MPPED2: variants seen among roughly 807,000 people sequenced by gnomAD.
MPPED2 encodes metallophosphoesterase MPPED2.
In MPPED2, 5 loss-of-function variants were observed where a neutral mutation model predicts 33.0. The ratio of observed to expected loss-of-function variants is 0.15; its 90% CI spans 0.08 to 0.32. MPPED2 has a LOEUF of 0.32. MPPED2 is among the 10% of genes least tolerant of loss of function. MPPED2 has a pLI of 1.00. For synonymous variants in MPPED2, 136 were observed against 141.9 expected (o/e 0.96, Z 0.29); for missense variants, 275 against 372.1 (o/e 0.74, Z 2.15).
intron 2 of MPPED2, among the ~76,000 whole-genome samples, chr11:30,577,639 A>G (rs1192113855): frequency 6.6e-6 from 1 of 152,222 alleles, no homozygotes; most frequent in African/African-American, 2.4e-5. Flanking sequence ...GAAATATGAC[A>G]TGATTAAATC....
At chr11:30,421,232 G>T (rs934337613) in intron 4 of MPPED2, among the ~76,000 whole-genome samples, 3 of 152,110 alleles carry the variant, frequency 2.0e-5, no homozygotes, top group Non-Finnish European at 2.9e-5. Flanking sequence ...TTCCCTTGCA[G>T]AATTTTCTCT....
chr11:30,520,415 T>G (rs993629555), intron 3 of MPPED2, among the ~76,000 whole-genome samples: 3 of 152,196 alleles, frequency 2.0e-5, no homozygotes, highest in African/African-American at 7.2e-5. Context: ...ATTAAGTCAT[T>G]TTTTCCCTAC....
chr11:30,403,000 C>T (rs1250344119), intron 6 of MPPED2, among the ~76,000 whole-genome samples: 1 of 152,214 alleles, frequency 6.6e-6, no homozygotes, highest in African/African-American at 2.4e-5. Flanking sequence ...ATTCCCAGCA[C>T]TTCGGGAGGC....
chr11:30,493,939 A>G (rs1250517348), intron 4 of MPPED2, among the ~76,000 whole-genome samples: 1 of 152,194 alleles, frequency 6.6e-6, no homozygotes, highest in Non-Finnish European at 1.5e-5. Context: ...TACAATCAAG[A>G]TTGACACGCT....
chr11:30,544,851 T>C (rs911994976), intron 2 of MPPED2, among the ~76,000 whole-genome samples: 5 of 152,104 alleles, frequency 3.3e-5, no homozygotes, highest in Non-Finnish European at 7.4e-5. Flanking sequence ...AGACAAAGGA[T>C]TGGCACTATT....
intron 2 of MPPED2, 78 bp downstream of exon 2, chr11:30,580,168 T>C: frequency 2.1e-6 from 3 of 1,443,012 alleles, no homozygotes; most frequent in Non-Finnish European, 2.9e-6. Flanking sequence ...CTAGCAGAAG[T>C]TAATAGTGAA....
chr11:30,407,570 C>T (rs570971924), downstream of MPPED2, among the ~76,000 whole-genome samples: 61 of 152,290 alleles, frequency 4.0e-4, no homozygotes, highest in African/African-American at 1.5e-3. Flanking sequence ...GGAGAGTCAA[C>T]AGACAGAACC....
intron 2 of MPPED2, among the ~76,000 whole-genome samples, chr11:30,571,524 G>A (rs893628909): frequency 6.6e-6 from 1 of 152,130 alleles, no homozygotes; most frequent in Admixed American, 6.5e-5. Context: ...ATGGTGGTCT[G>A]CAAAATTGCA....
At chr11:30,499,500 AT>A (rs1952456649) in intron 3 of MPPED2, among the ~76,000 whole-genome samples, 1 of 152,034 alleles carries the variant, frequency 6.6e-6, no homozygotes, top group African/African-American at 2.4e-5. Flanking sequence ...CAATTTGCAA[AT>A]TGGCCTCTTA....
At chr11:30,432,420 AATAAAG>A (rs201898696) in intron 4 of MPPED2, among the ~76,000 whole-genome samples, 10,005 of 152,264 alleles carry the variant, frequency 0.066, 1,047 homozygotes, top group African/African-American at 0.22. Flanking sequence ...GTCTGCTAAA[AATAAAG>A]CAGGTTATAG....
Position 30,495,079 on chromosome 11 carries a change from C to G in MPPED2, c.536+217G>C, listed in dbSNP as rs545979650. ...GCATGACTGTATATATCTAGGAAAG[C>G]TTTAACTCCTATTGATCTTGCCTAA... On this transcript the variant is annotated intron_variant, in intron 4 of 6. Coordinates refer to ENST00000358117, the MANE Select transcript of MPPED2 (RefSeq NM_001584.3). 7.2e-6 allele frequency: 4 copies of G among 553,916 alleles called. No individual in the cohort carries two copies. The South Asian group carries it at 9.2e-5, about 13-fold the overall frequency. The allele number at this position is 553,916 out of a possible 1,614,324, so 34.3% of individuals were successfully genotyped here. A position where few individuals can be genotyped will look rare whatever the true frequency, so the allele number is the denominator to read the frequency against.
At chr11:30,435,572 A>G (rs1046274758) in intron 4 of MPPED2, among the ~76,000 whole-genome samples, 2 of 152,240 alleles carry the variant, frequency 1.3e-5, no homozygotes, top group African/African-American at 4.8e-5. Context: ...CTGTGTTTCA[A>G]AATCTCACAA....
intron 4 of MPPED2, among the ~76,000 whole-genome samples, chr11:30,421,334 G>T (rs920314440): frequency 3.9e-5 from 6 of 152,144 alleles, no homozygotes; most frequent in Non-Finnish European, 8.8e-5. Context: ...TATTTATAGA[G>T]ACCCAAAATT....
intron 4 of MPPED2, among the ~76,000 whole-genome samples, chr11:30,426,520 A>G (rs1948845345): frequency 6.6e-6 from 1 of 152,226 alleles, no homozygotes; most frequent in African/African-American, 2.4e-5. Context: ...TTGAAAGCCC[A>G]GTGAGGATGG....
intron 4 of MPPED2, among the ~76,000 whole-genome samples, chr11:30,483,150 C>T (rs918875649): frequency 3.9e-5 from 6 of 152,304 alleles, no homozygotes; most frequent in Non-Finnish European, 7.4e-5. Context: ...TCAGACCCAG[C>T]ATTGTACACA....
At chr11:30,396,783 A>G (rs188422076) in intron 6 of MPPED2, among the ~76,000 whole-genome samples, 57 of 152,322 alleles carry the variant, frequency 3.7e-4, no homozygotes, top group Admixed American at 2.3e-3. Context: ...AGAAAAATAG[A>G]AAGGGAAAGT....
intron 4 of MPPED2, among the ~76,000 whole-genome samples, chr11:30,443,178 T>TA (rs998820756): frequency 2.6e-5 from 4 of 152,026 alleles, no homozygotes; most frequent in Non-Finnish European, 5.9e-5. Context: ...AATGCTACTT[T>TA]AAAAAAATAA....
At chr11:30,485,092 T>TGG (rs1951660611) in intron 4 of MPPED2, among the ~76,000 whole-genome samples, 1 of 152,194 alleles carries the variant, frequency 6.6e-6, no homozygotes, top group Non-Finnish European at 1.5e-5. Flanking sequence ...TTAACATACA[T>TGG]GATCTTATTT....
At chr11:30,451,680 T>C in intron 4 of MPPED2, 1 of 952,046 alleles carries the variant, frequency 1.1e-6, no homozygotes, top group Non-Finnish European at 1.3e-6. Flanking sequence ...TTTTACTATT[T>C]CCTTGTGTAT....
Sources: allele counts gnomAD v4.1 joint callset (sites outside exome capture counted in the v4.1 genomes callset), GRCh38; gene constraint gnomAD v4.1.1; transcripts MANE v1.5; gene names NCBI Gene and HGNC (gene_info 2026-07-23, HGNC 2026-07-21).